MDFIC2: variants seen among roughly 807,000 people sequenced by gnomAD.
MDFIC2 encodes the protein MyoD family inhibitor domain containing 2, also known as myoD family inhibitor domain-containing protein 2.
At chr3:70,251,204 T>G (rs954550196) in intron 2 of MDFIC2, among the ~76,000 whole-genome samples, 3 of 152,282 alleles carry the variant, frequency 2.0e-5, no homozygotes, top group African/African-American at 7.2e-5. Flanking sequence ...ACTCCTCAGG[T>G]TCTGTGGTTA....
intron 2 of MDFIC2, among the ~76,000 whole-genome samples, chr3:70,236,512 C>T (rs1701610504): frequency 6.6e-6 from 1 of 152,192 alleles, no homozygotes; most frequent in Non-Finnish European, 1.5e-5. Flanking sequence ...GCAACCTCCA[C>T]ATTGACAACC....
chr3:70,248,654 G>C (rs2106648724), intron 2 of MDFIC2, among the ~76,000 whole-genome samples: 1 of 152,212 alleles, frequency 6.6e-6, no homozygotes, highest in Non-Finnish European at 1.5e-5. Context: ...AGTAAAGACA[G>C]GAGTTAATTA....
chr3:70,272,802 G>C (rs992443987), intron 2 of MDFIC2, among the ~76,000 whole-genome samples: 3 of 152,106 alleles, frequency 2.0e-5, no homozygotes, highest in African/African-American at 7.2e-5. Context: ...AATGAATATT[G>C]CTTGTTTCAC....
intron 2 of MDFIC2, among the ~76,000 whole-genome samples, chr3:70,250,582 C>G (rs189191344): frequency 1.3e-5 from 2 of 152,108 alleles, no homozygotes; most frequent in Admixed American, 6.6e-5. Flanking sequence ...GAAAAATAGT[C>G]TCTGAGCAGC....
intron 2 of MDFIC2, among the ~76,000 whole-genome samples, chr3:70,271,056 TA>T (rs888468600): frequency 1.1e-4 from 16 of 150,774 alleles, no homozygotes; most frequent in South Asian, 2.1e-4. Flanking sequence ...ATATTGAAAA[TA>T]AAAAAAAACA....
chr3:70,281,070 T>TA (rs1351810018), intron 2 of MDFIC2, among the ~76,000 whole-genome samples: 4 of 152,234 alleles, frequency 2.6e-5, no homozygotes, highest in Non-Finnish European at 5.9e-5. Flanking sequence ...TACATGTTAA[T>TA]AAATTTTGTA....
intron 2 of MDFIC2, among the ~76,000 whole-genome samples, chr3:70,290,966 C>G (rs1702232357): frequency 6.6e-6 from 1 of 152,118 alleles, no homozygotes; most frequent in African/African-American, 2.4e-5. Context: ...GTCTGGCACT[C>G]CCTAGTGAGA....
chr3:70,278,302 C>T (rs923050467), intron 2 of MDFIC2, among the ~76,000 whole-genome samples: 1 of 152,164 alleles, frequency 6.6e-6, no homozygotes, highest in African/African-American at 2.4e-5. Context: ...GACAGGACTA[C>T]ATATGTGTAT....
intron 2 of MDFIC2, among the ~76,000 whole-genome samples, chr3:70,240,480 A>G (rs1265773982): frequency 2.0e-5 from 3 of 152,072 alleles, no homozygotes; most frequent in East Asian, 3.9e-4. Context: ...TGGAAGTTGG[A>G]CCCTAACTAA....
chr3:70,291,997 A>G (rs1337120813), intron 2 of MDFIC2: 1 of 152,194 alleles, frequency 6.6e-6, no homozygotes, highest in Non-Finnish European at 1.5e-5. Flanking sequence ...TATCATATAC[A>G]AGACACGATG....
chr3:70,221,155 G>C (rs941167972), intron 2 of MDFIC2, among the ~76,000 whole-genome samples: 2 of 152,070 alleles, frequency 1.3e-5, no homozygotes, highest in African/African-American at 4.8e-5. Flanking sequence ...TTTAGATGTG[G>C]AATAAACCGT....
At chr3:70,237,881 A>G (rs1701625600) in intron 2 of MDFIC2, among the ~76,000 whole-genome samples, 1 of 151,904 alleles carries the variant, frequency 6.6e-6, no homozygotes, top group Non-Finnish European at 1.5e-5. Flanking sequence ...AAGCTACCAC[A>G]AAGAAAGGAG....
chr3:70,305,117 A>G (rs1428720161), intron 2 of MDFIC2, among the ~76,000 whole-genome samples: 1 of 152,164 alleles, frequency 6.6e-6, no homozygotes, highest in Non-Finnish European at 1.5e-5. Flanking sequence ...TCTCTATCAC[A>G]ACATCTTGTT....
At chr3:70,232,113 G>A (rs1216710231) in intron 2 of MDFIC2, among the ~76,000 whole-genome samples, 1 of 152,158 alleles carries the variant, frequency 6.6e-6, no homozygotes, top group African/African-American at 2.4e-5. Context: ...CTGACACGGT[G>A]ACACTGGCAG....
chr3:70,302,316 G>T (rs1241915735), intron 2 of MDFIC2, among the ~76,000 whole-genome samples: 1 of 151,712 alleles, frequency 6.6e-6, no homozygotes, highest in South Asian at 2.1e-4. Flanking sequence ...TTTTATTAGC[G>T]AGTATATTCC....
intron 2 of MDFIC2, among the ~76,000 whole-genome samples, chr3:70,262,807 C>G (rs1701879380): frequency 1.3e-5 from 2 of 152,080 alleles, no homozygotes; most frequent in South Asian, 2.1e-4. Context: ...TGTTCCATCT[C>G]TCTCCTCTCC....
intron 2 of MDFIC2, among the ~76,000 whole-genome samples, chr3:70,247,616 T>C (rs1701719846): frequency 6.6e-6 from 1 of 151,982 alleles, no homozygotes; most frequent in Admixed American, 6.6e-5. Flanking sequence ...ATTATATCTC[T>C]TTTAATCTTC....
At chr3:70,230,418 A>G (rs1701547163) in intron 2 of MDFIC2, among the ~76,000 whole-genome samples, 1 of 152,082 alleles carries the variant, frequency 6.6e-6, no homozygotes, top group African/African-American at 2.4e-5. Flanking sequence ...TCAAACGCTT[A>G]TTTTTTGACC....
In MDFIC2 at chr3:70,201,702, T is replaced by A. The variant is rs528648109; in HGVS notation, c.311-4517A>T. ...GGAATCCAACCTGCCTTCCATAATA[T>A]GCTCCCAGTTTCCTTCTGACACACT... On this transcript the variant is annotated intron_variant, in intron 3 of 3. Coordinates refer to ENST00000567252, the MANE Select transcript of MDFIC2 (RefSeq NM_001364677.1). 1.2e-4 allele frequency among the ~76,000 whole-genome samples: 19 copies of A among 152,318 alleles called. 1 individual carries two copies. The South Asian group carries it at 3.7e-3, about 30-fold the overall frequency.
Sources: allele counts gnomAD v4.1 joint callset (sites outside exome capture counted in the v4.1 genomes callset), GRCh38; gene constraint gnomAD v4.1.1; transcripts MANE v1.5; gene names NCBI Gene and HGNC (gene_info 2026-07-23, HGNC 2026-07-21).